The following HMGA2 variants were observed in gnomAD, a reference collection of about 807,000 sequenced individuals.
The protein encoded by HMGA2 is high mobility group AT-hook 2, also known as high mobility group protein HMGI-C.
In HMGA2, 8 loss-of-function variants were observed where a neutral mutation model predicts 19.1. The observed-to-expected ratio is 0.42, with a 90% CI of 0.25 to 0.76. The LOEUF (loss-of-function observed/expected upper bound fraction) is 0.76. Ranked by LOEUF, HMGA2 falls within the 30% of genes least tolerant of loss-of-function variation. The pLI, the probability that HMGA2 is intolerant of heterozygous loss-of-function variation, is 0.28. For synonymous variants in HMGA2, 60 were observed against 48.8 expected, an observed-to-expected ratio of 1.23 and a Z score of -0.96; for missense variants, 109 against 136.3, an observed-to-expected ratio of 0.80 and a Z score of 1.00.
intron 3 of HMGA2, among the ~76,000 whole-genome samples, chr12:65,875,872 C>T (rs542037091): frequency 1.3e-5 from 2 of 151,924 alleles, no homozygotes; most frequent in East Asian, 3.9e-4. Context: ...ATTATTTTTA[C>T]TATCATTAGA....
intron 3 of HMGA2, among the ~76,000 whole-genome samples, chr12:65,944,488 C>G (rs1367119505): frequency 6.6e-6 from 1 of 152,118 alleles, no homozygotes; most frequent in African/African-American, 2.4e-5. Context: ...CTCTTTTCAC[C>G]ACAATCTGGC....
intron 3 of HMGA2, among the ~76,000 whole-genome samples, chr12:65,852,175 G>A (rs118003500): frequency 0.012 from 1,865 of 152,164 alleles, 21 homozygotes; most frequent in Middle Eastern, 0.051. Flanking sequence ...CAATCATAAG[G>A]TAACAGCAGT....
chr12:65,938,541 C>A (rs1165032564), intron 3 of HMGA2, among the ~76,000 whole-genome samples: 1 of 152,166 alleles, frequency 6.6e-6, no homozygotes, highest in Non-Finnish European at 1.5e-5. Context: ...TTTCTTCTAT[C>A]CACTTTTGGA....
At position 65,825,011 on chromosome 12, in the gene HMGA2, A is replaced by ACCG. The variant is rs1035791546; in HGVS notation, c.-248_-246dup. 1.2e-5 allele frequency: 5 copies of ACCG among 412,810 alleles called. No homozygotes were observed. Among genetic ancestry groups the ACCG allele is most frequent in the South Asian group, 8.3e-5 (2 of 24,034 alleles). 25.6% of individuals were successfully genotyped at this position (412,810 alleles called of 1,614,324 possible). On this transcript the variant is annotated 5_prime_UTR_variant, in exon 1 of 5. Coordinates refer to ENST00000403681, the MANE Select transcript of HMGA2 (RefSeq NM_003483.6). The surrounding 1 kb of genome is among the most constrained non-coding windows in gnomAD (Gnocchi z 4.4). ...CCACCTCCACCTCCGGCACCCACCCACCGCCGCCGCCGCCACCGGCAGCGC... is the reference window on the plus strand; with the variant it reads ...CCACCTCCACCTCCGGCACCCACCCACCGCCGCCGCCGCCGCCACCGGCAGCGC...
At position 65,824,713 on chromosome 12, in the gene HMGA2, T is replaced by TTC. The variant is rs60786450; in HGVS notation, c.-503_-502dup. 4,073 of 143,164 alleles carry TTC rather than the reference T, an allele frequency of 0.028. 83 individuals carry two copies. Among genetic ancestry groups the TTC allele is most frequent in the East Asian group, 0.048 (581 of 12,172 alleles). 8.9% of individuals were successfully genotyped at this position (143,164 alleles called of 1,614,324 possible). A position where few individuals can be genotyped will look rare whatever the true frequency, so the allele number is the denominator to read the frequency against. ...CCAAGGCACTTTCAATCTCAATCTC[T>TTC]TCTCTCTCTCTCTCTCTCTCTCTCT... On this transcript the variant is annotated 5_prime_UTR_variant, in exon 1 of 5. Transcript: ENST00000403681.
chr12:65,953,441 A>G (rs1876521047), intron 4 of HMGA2: 1 of 152,216 alleles, frequency 6.6e-6, no homozygotes, highest in African/African-American at 2.4e-5. Context: ...AAATTAAGGG[A>G]AAGAAATTAC....
At chr12:65,829,308 G>A (rs1870372335) in intron 2 of HMGA2, among the ~76,000 whole-genome samples, 1 of 152,030 alleles carries the variant, frequency 6.6e-6, no homozygotes, top group Non-Finnish European at 1.5e-5. Flanking sequence ...GCTTCTTAGA[G>A]TTTAGATTTA....
chr12:65,884,146 G>A (rs1873560587), intron 3 of HMGA2, among the ~76,000 whole-genome samples: 1 of 152,204 alleles, frequency 6.6e-6, no homozygotes, highest in Non-Finnish European at 1.5e-5. Flanking sequence ...GATTACAGGT[G>A]TGAGCCACCG....
chr12:65,829,938 C>T (rs539136146), intron 2 of HMGA2, among the ~76,000 whole-genome samples: 63 of 151,980 alleles, frequency 4.1e-4, no homozygotes, highest in African/African-American at 1.3e-3. Flanking sequence ...CCCCCTACGC[C>T]GCTCATCTTT....
In HMGA2 at chr12:65,930,107, G is replaced by A. The variant is rs190150761; in HGVS notation, c.250-21276G>A. On this transcript the variant is annotated intron_variant, in intron 3 of 4. Coordinates refer to ENST00000403681, the MANE Select transcript of HMGA2 (RefSeq NM_003483.6). ...CCAGTATAGTTGAATGCTTACAAGA[G>A]GAGAAGCTTTTAGCAACTCCTTTGT... 5.7e-3 allele frequency among the ~76,000 whole-genome samples: 863 copies of A among 152,286 alleles called. 2 individuals are homozygous for A. Among genetic ancestry groups the A allele is most frequent in the Non-Finnish European group, 8.3e-3 (566 of 68,026 alleles).
chr12:65,964,837 G>T lies in HMGA2; in HGVS notation c.*1545G>T, dbSNP rs188169958. The T allele has an allele frequency of 9.3e-5, 18 of 193,552 alleles. No homozygotes were observed. The East Asian group carries it at 1.4e-3, about 15-fold the overall frequency. The allele number at this position is 193,552 out of a possible 1,614,324, so 12.0% of individuals were successfully genotyped here. A position where few individuals can be genotyped will look rare whatever the true frequency, so the allele number is the denominator to read the frequency against. ...ACCAAGTCGCTCCTAGGTTCTTAAG[G>T]ATAATTTTCCTCAATCACACTACAC... On this transcript the variant is annotated 3_prime_UTR_variant, in exon 5 of 5. Coordinates refer to ENST00000403681, the MANE Select transcript of HMGA2 (RefSeq NM_003483.6).
chr12:65,959,897 T>A (rs188461099), intron 4 of HMGA2, among the ~76,000 whole-genome samples: 1,733 of 152,316 alleles, frequency 0.011, 19 homozygotes, highest in Non-Finnish European at 0.018. Flanking sequence ...TCTTTTTTTT[T>A]CTTTTTATTT....
intron 3 of HMGA2, among the ~76,000 whole-genome samples, chr12:65,950,973 G>A (rs1876437698): frequency 6.6e-6 from 1 of 152,128 alleles, no homozygotes; most frequent in Non-Finnish European, 1.5e-5. Flanking sequence ...CTGTCACCCA[G>A]GCTGGAGTGC....
intron 4 of HMGA2, chr12:65,954,079 T>G (rs2121317831): frequency 6.6e-6 from 1 of 152,314 alleles, no homozygotes; most frequent in East Asian, 1.9e-4. Flanking sequence ...TCTGGCCCCA[T>G]CACTGGGCTA....
At chr12:65,855,922 T>C (rs1329053371) in intron 3 of HMGA2, 2 of 152,042 alleles carry the variant, frequency 1.3e-5, no homozygotes, top group African/African-American at 4.8e-5. Context: ...TTTTTGACTA[T>C]TGGCACTTCA....
intron 3 of HMGA2, among the ~76,000 whole-genome samples, chr12:65,907,563 C>T (rs1198561854): frequency 6.6e-6 from 1 of 152,046 alleles, no homozygotes; most frequent in Admixed American, 6.6e-5. Context: ...AGTCTATGCC[C>T]CTCTTTGGAG....
intron 3 of HMGA2, among the ~76,000 whole-genome samples, chr12:65,944,940 T>C (rs1008400250): frequency 6.6e-6 from 1 of 151,830 alleles, no homozygotes; most frequent in Non-Finnish European, 1.5e-5. Context: ...GGTGCGATCA[T>C]AGCACACTGC....
chr12:65,846,029 G>A (rs1209814442), intron 3 of HMGA2, among the ~76,000 whole-genome samples: 1 of 152,144 alleles, frequency 6.6e-6, no homozygotes, highest in African/African-American at 2.4e-5. Flanking sequence ...GGTCAGCTCT[G>A]GTAAAAGGCT....
At chr12:65,929,846 C>T (rs1022651058) in intron 3 of HMGA2, among the ~76,000 whole-genome samples, 7 of 151,908 alleles carry the variant, frequency 4.6e-5, no homozygotes, top group Non-Finnish European at 1.0e-4. Context: ...TTGCCCTTAC[C>T]GAGATAAAAT....
Sources: allele counts gnomAD v4.1 joint callset (sites outside exome capture counted in the v4.1 genomes callset), GRCh38; gene constraint gnomAD v4.1.1; non-coding constraint Gnocchi (gnomAD v3.1); transcripts MANE v1.5; gene names NCBI Gene and HGNC (gene_info 2026-07-23, HGNC 2026-07-21).